Variants in ST3GAL4 observed in about 807,000 individuals in gnomAD.
ST3GAL4 encodes ST3 beta-galactoside alpha-2,3-sialyltransferase 4.
In ST3GAL4, 24 loss-of-function variants were observed where a neutral mutation model predicts 42.6. The ratio of observed to expected loss-of-function variants is 0.56; its 90% CI spans 0.41 to 0.79. ST3GAL4 has a LOEUF of 0.79. ST3GAL4 is among the 30% of genes least tolerant of loss of function. The pLI is 0.00. For synonymous variants in ST3GAL4, 135 were observed against 163.2 expected, an observed-to-expected ratio of 0.83 and a Z score of 1.32; for missense variants, 311 against 430.8, an observed-to-expected ratio of 0.72 and a Z score of 2.46.
At chr11:126,401,065 C>T (rs1953970296) in intron 1 of ST3GAL4, among the ~76,000 whole-genome samples, 1 of 152,092 alleles carries the variant, frequency 6.6e-6, no homozygotes, top group African/African-American at 2.4e-5. Flanking sequence ...CTTTGAACAT[C>T]TTCTTCCATT....
At chr11:126,375,757 C>G (rs1952813336) in intron 1 of ST3GAL4, among the ~76,000 whole-genome samples, 1 of 151,962 alleles carries the variant, frequency 6.6e-6, no homozygotes, top group Non-Finnish European at 1.5e-5. Flanking sequence ...GGGTAGAGGC[C>G]AGAGATGCTG....
intron 1 of ST3GAL4, among the ~76,000 whole-genome samples, chr11:126,387,471 A>T (rs1302129202): frequency 6.6e-6 from 1 of 151,976 alleles, no homozygotes. Flanking sequence ...TGAGCCCAGG[A>T]GTTTGAGACC....
intron 1 of ST3GAL4, among the ~76,000 whole-genome samples, chr11:126,395,940 CTG>C (rs1319948618): frequency 3.3e-5 from 5 of 152,138 alleles, no homozygotes; most frequent in African/African-American, 7.2e-5. Flanking sequence ...ACATGTGTCT[CTG>C]TGCATCAGAG....
Position 126,366,288 on chromosome 11 carries a change from A to G in ST3GAL4, c.-61+10446A>G, listed in dbSNP as rs1467312573. Among the ~76,000 whole-genome samples the G allele has an allele frequency of 2.6e-5, 4 of 152,066 alleles. No homozygotes were observed. The highest frequency in any genetic ancestry group is 5.9e-5 in the Non-Finnish European group (4 of 67,982). ...GCCCACGGCCAGCCCTGAGGAATGGAGGAAGAGAGTGCCCTGGCTGGGGGA... is the reference window on the plus strand; with the variant it reads ...GCCCACGGCCAGCCCTGAGGAATGGGGGAAGAGAGTGCCCTGGCTGGGGGA... On this transcript the variant is annotated intron_variant, in intron 1 of 10. Coordinates refer to ENST00000444328, the MANE Select transcript of ST3GAL4 (RefSeq NM_001254757.2). The surrounding 1 kb of genome is among the most constrained non-coding windows in gnomAD (Gnocchi z 4.2).
At chr11:126,408,551 G>C (rs1565426802) in intron 8 of ST3GAL4, 55 bp downstream of exon 8, 1 of 1,592,344 alleles carries the variant, frequency 6.3e-7, no homozygotes, top group South Asian at 1.1e-5. Flanking sequence ...CGCTGCCCGA[G>C]TCAGGACCTC....
rs1346025379 is a variant in ST3GAL4 at position 126,386,576 on chromosome 11, G to A, written c.-60-19520G>A. ...CTGTGGGTGACCTCACTTTAGAGAG[G>A]GCTGGCCAGCTGTGCCGGAATTAGG... On this transcript the variant is annotated intron_variant, in intron 1 of 10. Transcript: ENST00000444328. The surrounding 1 kb of genome is among the most constrained non-coding windows in gnomAD (Gnocchi z 4.7). Among the ~76,000 whole-genome samples, 1 of 152,130 alleles carries A rather than the reference G, an allele frequency of 6.6e-6. No homozygotes were observed. Among genetic ancestry groups the A allele is most frequent in the Non-Finnish European group, 1.5e-5 (1 of 68,026 alleles).
At chr11:126,374,030 G>C (rs1425508256) in intron 1 of ST3GAL4, among the ~76,000 whole-genome samples, 2 of 151,950 alleles carry the variant, frequency 1.3e-5, no homozygotes, top group African/African-American at 2.4e-5. Context: ...CTGGGTGCCG[G>C]GCACTATTGT....
At chr11:126,388,332 TTTTTC>T (rs1953311252) in intron 1 of ST3GAL4, among the ~76,000 whole-genome samples, 2 of 152,276 alleles carry the variant, frequency 1.3e-5, no homozygotes, top group African/African-American at 4.8e-5. Flanking sequence ...TTTTATTTCT[TTTTTC>T]TTTTCTTTTT....
chr11:126,380,981 T>G (rs1023292375), intron 1 of ST3GAL4, among the ~76,000 whole-genome samples: 2 of 152,218 alleles, frequency 1.3e-5, no homozygotes, highest in African/African-American at 4.8e-5. Flanking sequence ...CCTGGAAGTG[T>G]GCAGATGAGT....
At chr11:126,377,633 T>C (rs1952871053) in intron 1 of ST3GAL4, among the ~76,000 whole-genome samples, 1 of 151,888 alleles carries the variant, frequency 6.6e-6, no homozygotes, top group African/African-American at 2.4e-5. Context: ...TACAGGCGTG[T>C]GCCACCACAC....
chr11:126,411,293 G>A lies in ST3GAL4; in HGVS notation c.771+1882G>A, dbSNP rs779904560. Reference sequence around the variant, plus strand: ...CCCAAGTAGCTGGGATTACAGGCATGTACCACCACACCTGGCTAATTTTTG... The same window carrying A: ...CCCAAGTAGCTGGGATTACAGGCATATACCACCACACCTGGCTAATTTTTG... On this transcript the variant is annotated intron_variant, in intron 9 of 10. Transcript: ENST00000444328. This position sits in a 1 kb window ranked among gnomAD's most constrained non-coding sequence, Gnocchi z 6.3. 6.6e-6 allele frequency among the ~76,000 whole-genome samples: 1 copy of A among 152,006 alleles called. No individual in the cohort carries two copies. Among genetic ancestry groups the A allele is most frequent in the African/African-American group, 2.4e-5 (1 of 41,392 alleles).
intron 1 of ST3GAL4, among the ~76,000 whole-genome samples, chr11:126,389,343 T>C (rs1255047909): frequency 1.3e-5 from 2 of 152,198 alleles, no homozygotes; most frequent in Admixed American, 1.3e-4. Flanking sequence ...ATTTTTTTCC[T>C]TTAAGAAATA....
chr11:126,386,009 G>T lies in ST3GAL4; in HGVS notation c.-60-20087G>T, dbSNP rs1953212508. 6.6e-6 allele frequency among the ~76,000 whole-genome samples: 1 copy of T among 152,144 alleles called. No individual in the cohort carries two copies. Among genetic ancestry groups the T allele is most frequent in the Non-Finnish European group, 1.5e-5 (1 of 68,024 alleles). On this transcript the variant is annotated intron_variant, in intron 1 of 10. Coordinates refer to ENST00000444328, the MANE Select transcript of ST3GAL4 (RefSeq NM_001254757.2). The surrounding 1 kb of genome is among the most constrained non-coding windows in gnomAD (Gnocchi z 4.7). Reference sequence around the variant, plus strand: ...CACCCCCTTTCCTTCCTGGCTGTCTGCCACCATATGGAACTTTCTGTGCCT... The same window carrying T: ...CACCCCCTTTCCTTCCTGGCTGTCTTCCACCATATGGAACTTTCTGTGCCT...
At chr11:126,361,105 A>G (rs1952227563) in intron 1 of ST3GAL4, among the ~76,000 whole-genome samples, 1 of 152,066 alleles carries the variant, frequency 6.6e-6, no homozygotes, top group Admixed American at 6.6e-5. Flanking sequence ...ACCCCTCCCT[A>G]GTAACCTTCA....
At chr11:126,368,857 C>G (rs977874199) in intron 1 of ST3GAL4, among the ~76,000 whole-genome samples, 1 of 152,184 alleles carries the variant, frequency 6.6e-6, no homozygotes, top group Non-Finnish European at 1.5e-5. Context: ...GTTAGCTGCT[C>G]TGAATGGTGT....
In ST3GAL4 at chr11:126,396,667, C is replaced by T. The variant is rs542139936; in HGVS notation, c.-60-9429C>T. On this transcript the variant is annotated intron_variant, in intron 1 of 10. Transcript: ENST00000444328. The surrounding 1 kb of genome is among the most constrained non-coding windows in gnomAD (Gnocchi z 5.8). Reference sequence around the variant, plus strand: ...CTGTGTAGGGCAGGGGTGGACATCCCGGGGATCGTGGAGTCTAGGGAGCCA... The same window carrying T: ...CTGTGTAGGGCAGGGGTGGACATCCTGGGGATCGTGGAGTCTAGGGAGCCA... 7.8e-4 allele frequency among the ~76,000 whole-genome samples: 118 copies of T among 151,368 alleles called. No individual in the cohort carries two copies. The highest frequency in any genetic ancestry group is 1.4e-3 in the Non-Finnish European group (93 of 67,908).
Position 126,397,857 on chromosome 11 carries a change from A to G in ST3GAL4, c.-60-8239A>G, listed in dbSNP as rs1340128473. On this transcript the variant is annotated intron_variant, in intron 1 of 10. Coordinates refer to ENST00000444328, the MANE Select transcript of ST3GAL4 (RefSeq NM_001254757.2). The surrounding 1 kb of genome is among the most constrained non-coding windows in gnomAD (Gnocchi z 5.0). ...TGTAATAATGGCATTAAACCCATTC[A>G]TGAGAACAGAGCCCTTGACCCATTC... Among the ~76,000 whole-genome samples the G allele has an allele frequency of 6.6e-6, 1 of 152,148 alleles. No homozygotes were observed. The highest frequency in any genetic ancestry group is 2.4e-5 in the African/African-American group (1 of 41,432).
Position 126,392,791 on chromosome 11 carries a change from A to C in ST3GAL4, c.-60-13305A>C, listed in dbSNP as rs73632787. 7.5e-3 allele frequency among the ~76,000 whole-genome samples: 1,135 copies of C among 152,270 alleles called. 12 individuals carry two copies. The highest frequency in any genetic ancestry group is 0.023 in the African/African-American group (947 of 41,538). On this transcript the variant is annotated intron_variant, in intron 1 of 10. Transcript: ENST00000444328. The surrounding 1 kb of genome is among the most constrained non-coding windows in gnomAD (Gnocchi z 5.8). Reference sequence around the variant, plus strand: ...AGTTAATAAAGCAGCATGATGTGACAGAGCTGGATGTGGGGGAGTGAGGAA... The same window carrying C: ...AGTTAATAAAGCAGCATGATGTGACCGAGCTGGATGTGGGGGAGTGAGGAA...
intron 1 of ST3GAL4, among the ~76,000 whole-genome samples, chr11:126,371,510 A>C (rs1277578364): frequency 6.6e-6 from 1 of 152,174 alleles, no homozygotes; most frequent in African/African-American, 2.4e-5. Context: ...AAATATACAC[A>C]AACTTAGTGC....
Sources: gnomAD v4.1 joint callset for allele counts (sites outside exome capture counted in the v4.1 genomes callset) on GRCh38, gnomAD v4.1.1 for gene constraint, Gnocchi (gnomAD v3.1) non-coding constraint, MANE v1.5 for transcripts, NCBI Gene and HGNC (gene_info 2026-07-23, HGNC 2026-07-21) for gene names.